The following DCAF6 variants were observed in gnomAD, a reference collection of about 807,000 sequenced individuals.
DCAF6 encodes DDB1- and CUL4-associated factor 6.
In DCAF6, 54 loss-of-function variants were observed where a neutral mutation model predicts 125.1. The ratio of observed to expected loss-of-function variants is 0.43; its 90% CI spans 0.35 to 0.54. The LOEUF is 0.54. DCAF6 is among the 20% of genes least tolerant of loss of function. The probability of loss-of-function intolerance (pLI) is 0.01; values close to 1 mark genes in which losing one functional copy is unlikely to be tolerated. For missense variants in DCAF6, 934 were observed against 1,161.7 expected (o/e 0.80, Z 2.85); for synonymous variants, 371 against 390.4 (o/e 0.95, Z 0.58).
intron 5 of DCAF6, among the ~76,000 whole-genome samples, 170 bp from the exon 6 acceptor site, chr1:167,991,034 C>T (rs1031034765): frequency 1.3e-5 from 2 of 151,182 alleles, no homozygotes; most frequent in Non-Finnish European, 2.9e-5. Flanking sequence ...AGTAGAAATC[C>T]GAAAAAAAAG....
chr1:167,957,045 A>G (rs1674891846), intron 2 of DCAF6, among the ~76,000 whole-genome samples: 1 of 152,140 alleles, frequency 6.6e-6, no homozygotes, highest in African/African-American at 2.4e-5. Context: ...TAGTTGTTAC[A>G]AGCATGATGA....
intron 17 of DCAF6, 43 bp from the exon 18 acceptor site, chr1:168,063,578 T>G: frequency 7.2e-7 from 1 of 1,380,976 alleles, no homozygotes. Flanking sequence ...TCTTTGTGAA[T>G]ATTTTTATTT....
chr1:167,957,669 A>T (rs932733967), intron 2 of DCAF6, among the ~76,000 whole-genome samples: 1 of 152,162 alleles, frequency 6.6e-6, no homozygotes, highest in East Asian at 1.9e-4. Context: ...GCTAGGTCAT[A>T]TGGTAAACTG....
At chr1:167,958,230 T>G (rs1374900266) in intron 2 of DCAF6, among the ~76,000 whole-genome samples, 1 of 152,158 alleles carries the variant, frequency 6.6e-6, no homozygotes, top group Non-Finnish European at 1.5e-5. Flanking sequence ...TCGTGAAGAT[T>G]TATACCTGTT....
the DCAF6 span, among the ~76,000 whole-genome samples, chr1:167,906,431 A>T: frequency 6.6e-6 from 1 of 152,110 alleles, no homozygotes; most frequent in Non-Finnish European, 1.5e-5. Flanking sequence ...AACAGTCAAT[A>T]GATAAAATTA....
intron 3 of DCAF6, among the ~76,000 whole-genome samples, chr1:167,972,598 T>C (rs1267656116): frequency 6.6e-6 from 1 of 152,218 alleles, no homozygotes; most frequent in Non-Finnish European, 1.5e-5. Flanking sequence ...GAAAGATGAC[T>C]CAGGCACAGA....
chr1:167,979,779 C>G (rs1678824609), intron 4 of DCAF6, among the ~76,000 whole-genome samples: 2 of 152,026 alleles, frequency 1.3e-5, no homozygotes, highest in Non-Finnish European at 2.9e-5. Flanking sequence ...CCCAGCTACT[C>G]AGGAGGCTGA....
At chr1:167,878,345 T>C in the DCAF6 span, 1 of 1,382,396 alleles carries the variant, frequency 7.2e-7, no homozygotes, top group African/African-American at 1.4e-5. Flanking sequence ...GATTTCAACT[T>C]TTTGAACTGG....
At chr1:168,055,331 G>GTTTTT (rs554861802) in intron 17 of DCAF6, among the ~76,000 whole-genome samples, 4 of 31,628 alleles carry the variant, frequency 1.3e-4, no homozygotes, top group Non-Finnish European at 2.1e-4. Flanking sequence ...TCAGGCTTAA[G>GTTTTT]TTTTTTTTTT....
chr1:168,004,757 G>A lies in DCAF6; in HGVS notation c.1342G>A (p.Val448Ile), dbSNP rs746603968. ...TCCAGACAGTGAACAAAGGCAGTCT[G>A]TTGAGGCATCTGGACACCACACACA... The part of the protein sequence containing the change: ...SSPDSEQRQS[V>I]EASGHHTHHQ... The change falls in exon 10 of 22, where the codon GTT becomes ATT. Residue 448 changes from valine to isoleucine, a missense_variant. Transcript: ENST00000367840. 1.2e-6 allele frequency: 2 copies of A among 1,613,926 alleles called. No homozygotes were observed. The highest frequency in any genetic ancestry group is 1.7e-5 in the Admixed American group (1 of 60,002).
intron 1 of DCAF6, among the ~76,000 whole-genome samples, chr1:167,937,448 C>A (rs1024295539): frequency 1.3e-5 from 2 of 152,118 alleles, no homozygotes; most frequent in Admixed American, 1.3e-4. Context: ...GTGTCGGCTG[C>A]GACGCGTTGA....
At chr1:168,007,649 CTATGATATCA>C (rs1183447836) in intron 10 of DCAF6, among the ~76,000 whole-genome samples, 4 of 152,140 alleles carry the variant, frequency 2.6e-5, no homozygotes, top group Admixed American at 2.6e-4. Context: ...TTCTTGGTAT[CTATGATATCA>C]TATTTGCCTA....
chr1:167,987,158 A>G (rs1179234306), intron 4 of DCAF6, among the ~76,000 whole-genome samples: 1 of 152,204 alleles, frequency 6.6e-6, no homozygotes, highest in African/African-American at 2.4e-5. Flanking sequence ...TAGATAAAAC[A>G]TAAAAATTAA....
the DCAF6 span, among the ~76,000 whole-genome samples, chr1:167,873,702 A>G: frequency 8.5e-5 from 13 of 152,352 alleles, no homozygotes; most frequent in African/African-American, 3.1e-4. Context: ...TATCAATTCC[A>G]AATGGATTGT....
chr1:167,955,703 C>T (rs1323801853), intron 2 of DCAF6, among the ~76,000 whole-genome samples: 1 of 151,954 alleles, frequency 6.6e-6, no homozygotes, highest in Non-Finnish European at 1.5e-5. Flanking sequence ...ACTTATTTCA[C>T]TGGTTAGTAT....
chr1:167,932,174 ACT>A (rs1174015470), upstream of DCAF6, among the ~76,000 whole-genome samples: 1 of 152,084 alleles, frequency 6.6e-6, no homozygotes, highest in Non-Finnish European at 1.5e-5. Flanking sequence ...TAGTTTTTAG[ACT>A]CTTTAGAGCT....
intron 1 of DCAF6, among the ~76,000 whole-genome samples, chr1:167,940,787 T>TTA (rs1672122178): frequency 6.6e-6 from 1 of 151,584 alleles, no homozygotes; most frequent in African/African-American, 2.4e-5. Flanking sequence ...CCCTTCTAAA[T>TTA]TAAAAGATAG....
chr1:168,069,770 C>T (rs916968908), intron 21 of DCAF6, among the ~76,000 whole-genome samples: 4 of 152,090 alleles, frequency 2.6e-5, no homozygotes, highest in Non-Finnish European at 5.9e-5. Context: ...GGAATGTAAA[C>T]AAAAAATGTT....
At chr1:167,887,048 A>T in the DCAF6 span, among the ~76,000 whole-genome samples, 1 of 152,182 alleles carries the variant, frequency 6.6e-6, no homozygotes, top group Non-Finnish European at 1.5e-5. Flanking sequence ...AGGAAACAAC[A>T]GGTGCTGGAG....
Sources: gnomAD v4.1 joint callset for allele counts (sites outside exome capture counted in the v4.1 genomes callset) on GRCh38, gnomAD v4.1.1 for gene constraint, MANE v1.5 for transcripts, NCBI Gene and HGNC (gene_info 2026-07-23, HGNC 2026-07-21) for gene names.